Variants in RTF2 observed in about 807,000 individuals in gnomAD.
The protein encoded by RTF2 is UPF0549 protein C20orf43.
In RTF2, 18 loss-of-function variants were observed where a neutral mutation model predicts 38.0. That is an observed-to-expected ratio of 0.47 (90% CI 0.33 to 0.70). The LOEUF is 0.70. RTF2 is among the 30% of genes least tolerant of loss of function. The pLI is 0.02. For synonymous variants in RTF2, 126 were observed against 137.1 expected (o/e 0.92, Z 0.57); for missense variants, 311 against 379.6 (o/e 0.82, Z 1.50).
intron 6 of RTF2, chr20:56,515,595 GAGAGACACACACACACACAC>G (rs58578108): frequency 0.46 from 45,584 of 99,316 alleles, 7,458 homozygotes; most frequent in East Asian, 0.58. Flanking sequence ...GAGAGAGAGA[GAGAGACACACACACACACAC>G]ACACACACAC....
intron 5 of RTF2, among the ~76,000 whole-genome samples, chr20:56,505,861 A>C (rs1984232215): frequency 1.3e-5 from 2 of 152,212 alleles, no homozygotes; most frequent in Admixed American, 6.5e-5. Flanking sequence ...ACATTTAAAA[A>C]ATGAAATCCC....
intron 5 of RTF2, among the ~76,000 whole-genome samples, chr20:56,486,606 G>GC (rs1457884976): frequency 6.6e-6 from 1 of 152,102 alleles, no homozygotes; most frequent in Non-Finnish European, 1.5e-5. Flanking sequence ...CCAAGATTGT[G>GC]CCACTGCATT....
intron 5 of RTF2, among the ~76,000 whole-genome samples, chr20:56,486,371 G>C (rs1233346192): frequency 6.6e-6 from 1 of 152,136 alleles, no homozygotes; most frequent in Non-Finnish European, 1.5e-5. Context: ...CTGTTAGGTT[G>C]GGCACAGTGG....
chr20:56,514,249 C>G (rs936917039), intron 6 of RTF2: 2 of 152,094 alleles, frequency 1.3e-5, no homozygotes, highest in African/African-American at 2.4e-5. Flanking sequence ...AGAGTTCTTC[C>G]ATGCGCTGGT....
chr20:56,503,729 G>A (rs1984076481), intron 5 of RTF2, among the ~76,000 whole-genome samples: 1 of 152,216 alleles, frequency 6.6e-6, no homozygotes, highest in African/African-American at 2.4e-5. Context: ...TTGAGAGGCT[G>A]AGGTGGGTGG....
intron 6 of RTF2, chr20:56,514,439 A>G (rs1984889682): frequency 6.6e-6 from 1 of 152,214 alleles, no homozygotes; most frequent in Non-Finnish European, 1.5e-5. Flanking sequence ...AAGTACTAGA[A>G]AATTAGCTCC....
chr20:56,469,311 C>CTGTA (rs1396202275), intron 1 of RTF2, among the ~76,000 whole-genome samples: 3 of 152,238 alleles, frequency 2.0e-5, no homozygotes, highest in African/African-American at 7.2e-5. Context: ...ATAGCAGAGG[C>CTGTA]TGTACCCTTT....
intron 5 of RTF2, chr20:56,496,751 C>T (rs1983567795): frequency 6.4e-7 from 1 of 1,552,000 alleles, no homozygotes; most frequent in Non-Finnish European, 8.7e-7. Flanking sequence ...CTACAAACTT[C>T]CTTGTAAGTA....
intron 1 of RTF2, among the ~76,000 whole-genome samples, chr20:56,471,139 A>G (rs1981938673): frequency 6.6e-6 from 1 of 152,196 alleles, no homozygotes; most frequent in African/African-American, 2.4e-5. Flanking sequence ...CCATATCCAA[A>G]TAGGTGGTAT....
intron 5 of RTF2, among the ~76,000 whole-genome samples, chr20:56,502,455 C>A (rs761702868): frequency 5.9e-5 from 9 of 152,176 alleles, no homozygotes; most frequent in Non-Finnish European, 1.3e-4. Flanking sequence ...TTTGATATCG[C>A]ATTACCTCCA....
chr20:56,494,091 G>A (rs1333215625), intron 5 of RTF2, among the ~76,000 whole-genome samples: 2 of 152,060 alleles, frequency 1.3e-5, no homozygotes, highest in Non-Finnish European at 2.9e-5. Context: ...TTGAGTGCAG[G>A]CCCAAAGCTC....
At chr20:56,486,303 T>C (rs1982789815) in intron 5 of RTF2, among the ~76,000 whole-genome samples, 1 of 152,184 alleles carries the variant, frequency 6.6e-6, no homozygotes, top group Non-Finnish European at 1.5e-5. Context: ...TATGGTAACT[T>C]GATATTTATG....
intron 6 of RTF2, among the ~76,000 whole-genome samples, chr20:56,515,099 G>A (rs976892031): frequency 6.6e-6 from 1 of 151,368 alleles, no homozygotes; most frequent in African/African-American, 2.4e-5. Context: ...GTAAATACAT[G>A]TGTATCTTAT....
At chr20:56,497,208 G>C (rs1983602773) in intron 5 of RTF2, 1 of 1,551,426 alleles carries the variant, frequency 6.4e-7, no homozygotes, top group Admixed American at 2.0e-5. Flanking sequence ...AACATTTTGA[G>C]GTACATAAAT....
At chr20:56,498,514 T>C (rs919865718) in intron 5 of RTF2, among the ~76,000 whole-genome samples, 65 of 152,194 alleles carry the variant, frequency 4.3e-4, no homozygotes, top group African/African-American at 1.5e-3. Flanking sequence ...AAAAAGTTTC[T>C]GAATTATTTT....
chr20:56,477,162 G>A, intron 4 of RTF2, 38 bp downstream of exon 4: 1 of 1,605,686 alleles, frequency 6.2e-7, no homozygotes, highest in Non-Finnish European at 8.5e-7. Context: ...GTGGGAGGCT[G>A]GAGGAATACT....
chr20:56,516,867 GC>G (rs1457655914), intron 6 of RTF2, 67 bp from the exon 7 acceptor site: 1 of 1,451,746 alleles, frequency 6.9e-7, no homozygotes. Context: ...GGGACAATGG[GC>G]AGCCACACTG....
At chr20:56,513,455 A>G (rs1362945023) in intron 6 of RTF2, 27 bp downstream of exon 6, 2 of 1,554,884 alleles carry the variant, frequency 1.3e-6, no homozygotes, top group Non-Finnish European at 1.7e-6. Flanking sequence ...GGTTCCGCCC[A>G]GCCCCCATCT....
chr20:56,470,985 A>C (rs965289399), intron 1 of RTF2: 1 of 228,494 alleles, frequency 4.4e-6, no homozygotes, highest in East Asian at 8.9e-5. Context: ...CTAGCAAATC[A>C]TCAAACTGGG....
Sources: allele counts gnomAD v4.1 joint callset (sites outside exome capture counted in the v4.1 genomes callset), GRCh38; gene constraint gnomAD v4.1.1; transcripts MANE v1.5; gene names NCBI Gene and HGNC (gene_info 2026-07-23, HGNC 2026-07-21).